The following EXOC6 variants were observed in gnomAD, a reference collection of about 807,000 sequenced individuals.
The protein encoded by EXOC6 is SEC15-like 1.
EXOC6 carries 60 observed loss-of-function variants against 112.5 expected under a neutral mutation model. The observed-to-expected ratio is 0.53, with a 90% CI of 0.43 to 0.66. The LOEUF is 0.66. Ranked by LOEUF, EXOC6 falls within the 30% of genes least tolerant of loss-of-function variation. The pLI is 0.00. For missense variants in EXOC6, 855 were observed against 957.1 expected (o/e 0.89, Z 1.41); for synonymous variants, 295 against 308.0 (o/e 0.96, Z 0.44).
At chr10:92,829,570 G>A (rs1846440029) in intron 1 of EXOC6, among the ~76,000 whole-genome samples, 1 of 152,166 alleles carries the variant, frequency 6.6e-6, no homozygotes, top group Non-Finnish European at 1.5e-5. Flanking sequence ...ATGTTTCCTA[G>A]AGACTGTGAA....
intron 19 of EXOC6, among the ~76,000 whole-genome samples, chr10:93,005,081 A>G (rs375388840): frequency 3.9e-5 from 6 of 152,196 alleles, no homozygotes; most frequent in African/African-American, 1.4e-4. Flanking sequence ...ACCCTCTTGG[A>G]GTTTAAGTCC....
At chr10:92,988,839 A>G (rs866001072) in intron 18 of EXOC6, among the ~76,000 whole-genome samples, 14 of 145,322 alleles carry the variant, frequency 9.6e-5, no homozygotes, top group Non-Finnish European at 7.6e-5. Flanking sequence ...ACACACACAC[A>G]CGCATTTCTG....
At chr10:92,980,833 AG>A (rs1318590337) in intron 18 of EXOC6, among the ~76,000 whole-genome samples, 1 of 152,192 alleles carries the variant, frequency 6.6e-6, no homozygotes, top group African/African-American at 2.4e-5. Flanking sequence ...AGTATAAAGA[AG>A]GAGGCAAAAA....
chr10:93,050,759 C>CAAAAAAAAA (rs58439083), intron 20 of EXOC6, among the ~76,000 whole-genome samples: 2,059 of 37,254 alleles, frequency 0.055, 720 homozygotes, highest in African/African-American at 0.19. Context: ...GACTCCGTCT[C>CAAAAAAAAA]AAAAAAAAAA....
At chr10:92,984,050 G>A (rs1842917230) in intron 18 of EXOC6, among the ~76,000 whole-genome samples, 1 of 152,052 alleles carries the variant, frequency 6.6e-6, no homozygotes, top group Admixed American at 6.6e-5. Flanking sequence ...GGCTTTCCAA[G>A]CTAAACACCA....
intron 1 of EXOC6, among the ~76,000 whole-genome samples, chr10:92,861,113 A>G (rs941455654): frequency 9.9e-5 from 15 of 152,192 alleles, no homozygotes; most frequent in Non-Finnish European, 1.6e-4. Context: ...CAGAGTCTTC[A>G]TTGTTTTCAA....
intron 1 of EXOC6, among the ~76,000 whole-genome samples, chr10:92,849,524 A>G (rs1847223183): frequency 6.6e-6 from 1 of 152,128 alleles, no homozygotes; most frequent in South Asian, 2.1e-4. Flanking sequence ...CCTTTTACAT[A>G]TAAGGTTTCA....
intron 8 of EXOC6, among the ~76,000 whole-genome samples, chr10:92,920,951 T>G (rs1294120772): frequency 6.6e-6 from 1 of 152,210 alleles, no homozygotes; most frequent in East Asian, 1.9e-4. Context: ...TTCCCCATCC[T>G]TTTACTTTCA....
intron 1 of EXOC6, among the ~76,000 whole-genome samples, chr10:92,881,975 A>C (rs1055685882): frequency 6.6e-6 from 1 of 152,140 alleles, no homozygotes; most frequent in Non-Finnish European, 1.5e-5. Flanking sequence ...CTGTGAGTCC[A>C]TTAAACCTCT....
At chr10:92,957,343 G>T (rs114620142) in intron 17 of EXOC6, among the ~76,000 whole-genome samples, 1 of 152,020 alleles carries the variant, frequency 6.6e-6, no homozygotes, top group Non-Finnish European at 1.5e-5. Context: ...GTGTTTCTAG[G>T]GATCTTCAAG....
chr10:93,018,497 A>AT (rs1159830212), intron 20 of EXOC6, among the ~76,000 whole-genome samples: 2 of 152,042 alleles, frequency 1.3e-5, no homozygotes, highest in Non-Finnish European at 1.5e-5. Flanking sequence ...TTTTCCATTA[A>AT]TTTTTTTCCT....
At chr10:92,999,279 T>G in intron 19 of EXOC6, 1 of 400,172 alleles carries the variant, frequency 2.5e-6, no homozygotes, top group Non-Finnish European at 4.8e-6. Context: ...CCCAGACTGG[T>G]CTCAAACTCC....
At chr10:93,017,093 G>A (rs1365338068) in intron 20 of EXOC6, among the ~76,000 whole-genome samples, 1 of 152,010 alleles carries the variant, frequency 6.6e-6, no homozygotes, top group Non-Finnish European at 1.5e-5. Flanking sequence ...TGGGATTACA[G>A]GTGTGAGCCA....
chr10:92,991,322 G>A (rs1052248167), intron 18 of EXOC6, among the ~76,000 whole-genome samples: 1 of 151,580 alleles, frequency 6.6e-6, no homozygotes, highest in Non-Finnish European at 1.5e-5. Flanking sequence ...TGTAGTCACA[G>A]CTACTCGGGA....
At chr10:92,874,264 C>A (rs1813994126) in intron 1 of EXOC6, among the ~76,000 whole-genome samples, 1 of 152,054 alleles carries the variant, frequency 6.6e-6, no homozygotes, top group African/African-American at 2.4e-5. Context: ...TGTGAAAAAA[C>A]TAAAAGTGTG....
chr10:92,855,417 C>G (rs935048486), intron 1 of EXOC6, among the ~76,000 whole-genome samples: 8 of 152,034 alleles, frequency 5.3e-5, no homozygotes, highest in African/African-American at 1.7e-4. Flanking sequence ...CAGGGTAATG[C>G]TGGCCTTATA....
At chr10:92,836,041 T>C (rs1846646820) in intron 1 of EXOC6, among the ~76,000 whole-genome samples, 1 of 152,126 alleles carries the variant, frequency 6.6e-6, no homozygotes, top group African/African-American at 2.4e-5. Flanking sequence ...AGGTAGGTGG[T>C]CAAGTGCCAG....
chr10:92,969,554 T>C (rs553760657), intron 17 of EXOC6, among the ~76,000 whole-genome samples: 1 of 152,316 alleles, frequency 6.6e-6, no homozygotes, highest in South Asian at 2.1e-4. Context: ...CATATCACCA[T>C]GTAGCTTTTC....
chr10:92,946,505 G>A (rs906244128), intron 13 of EXOC6, among the ~76,000 whole-genome samples: 2 of 152,102 alleles, frequency 1.3e-5, no homozygotes, highest in African/African-American at 4.8e-5. Flanking sequence ...TTATTCTTCA[G>A]TTTTTCTAAG....
Sources: allele counts gnomAD v4.1 joint callset (sites outside exome capture counted in the v4.1 genomes callset), GRCh38; gene constraint gnomAD v4.1.1; transcripts MANE v1.5; gene names NCBI Gene and HGNC (gene_info 2026-07-23, HGNC 2026-07-21).